KLHL15: variants seen among roughly 807,000 people sequenced by gnomAD.
KLHL15 encodes kelch like family member 15.
A neutral mutation model predicts 29.3 loss-of-function variants in KLHL15; 1 was observed. The ratio of observed to expected loss-of-function variants is 0.03; its 90% CI spans 0.01 to 0.16. The LOEUF is 0.16. Among genes scored for constraint, KLHL15 ranks in the 10% least tolerant of loss-of-function variants. The pLI, the probability that KLHL15 is intolerant of heterozygous loss-of-function variation, is 1.00. For synonymous variants in KLHL15, 212 were observed against 184.5 expected (o/e 1.15, Z -1.21); for missense variants, 215 against 478.5 (o/e 0.45, Z 5.14).
rs1370648480 is a variant in KLHL15, at chrX:23,985,017, C to T, written c.*2904G>A. On this transcript the variant is annotated 3_prime_UTR_variant, in exon 4 of 4. Coordinates refer to ENST00000328046, the MANE Select transcript of KLHL15 (RefSeq NM_030624.3). ...TAAAAACCAGTAGCATTTCTTCCAA[C>T]ACAAAACCTTCAAAGTGAGAATCTT... The T allele has an allele frequency of 8.9e-6, 1 of 112,252 alleles. No individual in the cohort carries two copies. The highest frequency in any genetic ancestry group is 3.2e-5 in the African/African-American group (1 of 30,990). 9.3% of individuals were successfully genotyped at this position (112,252 alleles called of 1,213,427 possible).
intron 2 of KLHL15, among the ~76,000 whole-genome samples, chrX:24,020,522 G>C (rs1417623552): frequency 9.0e-6 from 1 of 111,568 alleles, no homozygotes; most frequent in African/African-American, 3.3e-5. Context: ...CCAGCCTCCA[G>C]ACTGGCACCA....
At chrX:23,989,193 CTT>C (rs780131307) in intron 3 of KLHL15, among the ~76,000 whole-genome samples, 163 bp from the exon 4 acceptor site, 6 of 101,348 alleles carry the variant, frequency 5.9e-5, no homozygotes, top group Non-Finnish European at 6.1e-5. Flanking sequence ...TTTAAAAAAT[CTT>C]TTTTTTTTTT....
At chrX:24,025,148 A>G (rs1230140324) in intron 1 of KLHL15, 90 bp from the exon 2 acceptor site, 2 of 289,144 alleles carry the variant, frequency 6.9e-6, no homozygotes, top group East Asian at 9.7e-5. Flanking sequence ...CGACCTTGCC[A>G]ACGCCGGGGG....
chrX:24,006,624 G>A lies in KLHL15; in HGVS notation c.70C>T (p.Leu24=). Residue 24 remains leucine, a synonymous_variant, in exon 3 of 4, where the codon CTG becomes TTG. Coordinates refer to ENST00000328046, the MANE Select transcript of KLHL15 (RefSeq NM_030624.3). The stretch of plus-strand genomic sequence containing the variant: ...TCAAGAAGCAATCCCTCCTCATACA[G>A]TGCTCTGAACCCAGCAGAGACACTG... ...DTSVSAGFRA[L]YEEGLLLDVT... The A allele has an allele frequency of 8.3e-7, 1 of 1,211,051 alleles. No individual in the cohort carries two copies. The highest frequency in any genetic ancestry group is 1.1e-6 in the Non-Finnish European group (1 of 895,204).
intron 2 of KLHL15, among the ~76,000 whole-genome samples, chrX:24,023,057 G>A (rs188674162): frequency 9.0e-6 from 1 of 111,501 alleles, no homozygotes; most frequent in East Asian, 2.8e-4. Flanking sequence ...TAAATTTGAT[G>A]TTTAATGTCG....
rs994940957 is a variant in KLHL15, at chrX:24,015,387, T to TA, written c.-7-8688dup. ...ACGCATTTGTGAAGTTTACCTGATCTAAACACTTTTAAAACTCATCTGCGA... is the reference window on the plus strand; with the variant it reads ...ACGCATTTGTGAAGTTTACCTGATCTAAAACACTTTTAAAACTCATCTGCGA... On this transcript the variant is annotated intron_variant, in intron 2 of 3. Transcript: ENST00000328046. 4.4e-5 allele frequency among the ~76,000 whole-genome samples: 5 copies of TA among 112,734 alleles called. No homozygotes were observed. In the Admixed American group the frequency reaches 4.7e-4, roughly 11 times the overall value.
intron 3 of KLHL15, among the ~76,000 whole-genome samples, chrX:23,997,574 T>C (rs1399851877): frequency 9.8e-6 from 1 of 102,366 alleles, no homozygotes; most frequent in African/African-American, 3.6e-5. Flanking sequence ...CTACTAAAAA[T>C]ACAAAAATTA....
chrX:24,001,734 G>A (rs1929320542), intron 3 of KLHL15, among the ~76,000 whole-genome samples: 1 of 100,772 alleles, frequency 9.9e-6, no homozygotes, highest in African/African-American at 3.7e-5. Context: ...AACCCGGGGG[G>A]CGGAGGTTGC....
At chrX:23,993,695 T>C (rs926659083) in intron 3 of KLHL15, among the ~76,000 whole-genome samples, 2 of 109,469 alleles carry the variant, frequency 1.8e-5, no homozygotes, top group Non-Finnish European at 3.8e-5. Context: ...TAAAGTGATA[T>C]GGCAGCTGTA....
chrX:24,004,568 G>A (rs913632903), intron 3 of KLHL15, among the ~76,000 whole-genome samples: 3 of 110,924 alleles, frequency 2.7e-5, no homozygotes, highest in Non-Finnish European at 5.7e-5. Flanking sequence ...CAAGGCGGGT[G>A]GATCATGAGG....
At chrX:24,025,105 C>T (rs1291447673) in intron 1 of KLHL15, 47 bp from the exon 2 acceptor site, 3 of 295,172 alleles carry the variant, frequency 1.0e-5, no homozygotes, top group Non-Finnish European at 1.8e-5. Flanking sequence ...CAGTCGGGCT[C>T]CGCACGAGGC....
At chrX:24,005,402 C>T (rs898222400) in intron 3 of KLHL15, among the ~76,000 whole-genome samples, 1 of 112,068 alleles carries the variant, frequency 8.9e-6, no homozygotes, top group Non-Finnish European at 1.9e-5. Context: ...AGACATATAA[C>T]ATGTTTTCAT....
At chrX:24,003,198 A>G (rs757878544) in intron 3 of KLHL15, among the ~76,000 whole-genome samples, 53 of 111,684 alleles carry the variant, frequency 4.7e-4, no homozygotes, top group African/African-American at 1.4e-3. Flanking sequence ...TTGGTCTGGA[A>G]TAAGATCCTT....
intron 2 of KLHL15, among the ~76,000 whole-genome samples, chrX:24,022,384 T>C (rs1210503416): frequency 3.8e-5 from 3 of 78,654 alleles, no homozygotes; most frequent in African/African-American, 1.9e-4. Context: ...GGCTCCCGCC[T>C]GCGCTTTGGG....
rs928729310 is a variant in KLHL15 at position 23,990,297 on chromosome X, G to A, written c.706-1267C>T. On this transcript the variant is annotated intron_variant, in intron 3 of 3. Transcript: ENST00000328046. The stretch of plus-strand genomic sequence containing the variant: ...TACAAATTTACCAATAGGTAAATGA[G>A]TCAGGTGACAATTAGGTATGAAGCC... Among the ~76,000 whole-genome samples the A allele has an allele frequency of 2.7e-5, 3 of 111,716 alleles. No homozygotes were observed. In the East Asian group the frequency reaches 8.4e-4, roughly 31 times the overall value.
chrX:24,003,393 AT>A (rs1348702460), intron 3 of KLHL15, among the ~76,000 whole-genome samples: 1 of 105,453 alleles, frequency 9.5e-6, no homozygotes, highest in Non-Finnish European at 1.9e-5. Flanking sequence ...AAAAAAAAAA[AT>A]GCAAAAAAAT....
Position 23,986,948 on chromosome X carries a change from C to T in KLHL15, c.*973G>A, listed in dbSNP as rs1247669854. Reference sequence around the variant, plus strand: ...GGCCAGAACTTGTCATATACCACTCCGATTCTCACTAAAAACAGGGTAACG... The same window carrying T: ...GGCCAGAACTTGTCATATACCACTCTGATTCTCACTAAAAACAGGGTAACG... On this transcript the variant is annotated 3_prime_UTR_variant, in exon 4 of 4. Transcript: ENST00000328046. The T allele has an allele frequency of 5.4e-5, 6 of 111,679 alleles. No homozygotes were observed. Among genetic ancestry groups the T allele is most frequent in the East Asian group, 5.6e-4 (2 of 3,586 alleles). The allele number at this position is 111,679 out of a possible 1,213,427, so 9.2% of individuals were successfully genotyped here. A position where few individuals can be genotyped will look rare whatever the true frequency, so the allele number is the denominator to read the frequency against.
intron 2 of KLHL15, among the ~76,000 whole-genome samples, chrX:24,014,835 C>T (rs1308223898): frequency 2.7e-5 from 3 of 111,611 alleles, no homozygotes; most frequent in African/African-American, 9.8e-5. Context: ...TTAGCAAAGG[C>T]GAGGGAAAGA....
chrX:23,989,319 C>T (rs768354637), intron 3 of KLHL15, among the ~76,000 whole-genome samples: 18 of 108,952 alleles, frequency 1.7e-4, no homozygotes, highest in African/African-American at 6.0e-4. Flanking sequence ...CCTCCTGAGG[C>T]GCCTGCCACC....
Sources: gnomAD v4.1 joint callset for allele counts (sites outside exome capture counted in the v4.1 genomes callset) on GRCh38, gnomAD v4.1.1 for gene constraint, MANE v1.5 for transcripts, NCBI Gene and HGNC (gene_info 2026-07-23, HGNC 2026-07-21) for gene names.